Variants in STAU1 observed in about 807,000 individuals in gnomAD.
STAU1 encodes the protein double-stranded RNA-binding protein Staufen homolog 1.
A neutral mutation model predicts 62.9 loss-of-function variants in STAU1; 13 were observed. That is an observed-to-expected ratio of 0.21 (90% CI 0.13 to 0.33). The LOEUF (loss-of-function observed/expected upper bound fraction) is 0.33, where lower values mean the gene tolerates loss of function less well. Among genes scored for constraint, STAU1 ranks in the 10% least tolerant of loss-of-function variants. The pLI is 1.00. For synonymous variants in STAU1, 269 were observed against 265.1 expected, an observed-to-expected ratio of 1.01 and a Z score of -0.14; for missense variants, 571 against 712.1, an observed-to-expected ratio of 0.80 and a Z score of 2.25.
the STAU1 span, among the ~76,000 whole-genome samples, chr20:49,197,080 G>A: frequency 1.3e-5 from 2 of 151,778 alleles, no homozygotes; most frequent in African/African-American, 2.4e-5. Context: ...GCTTGAACGC[G>A]GGAGGTGGAG....
At chr20:49,218,983 C>A in the STAU1 span, among the ~76,000 whole-genome samples, 1 of 130,950 alleles carries the variant, frequency 7.6e-6, no homozygotes, top group Non-Finnish European at 1.5e-5. Context: ...CACTGCACCC[C>A]AGCCTGGGCG....
upstream of STAU1, among the ~76,000 whole-genome samples, chr20:49,190,427 G>A (rs2093829812): frequency 6.6e-6 from 1 of 152,124 alleles, no homozygotes; most frequent in Admixed American, 6.6e-5. Context: ...GGGACCACAG[G>A]CATGTGCCAC....
chr20:49,125,198 CAAAA>C (rs1171534142), intron 6 of STAU1, among the ~76,000 whole-genome samples: 8,252 of 33,688 alleles, frequency 0.24, 288 homozygotes, highest in Non-Finnish European at 0.33. Context: ...CTCATTTTTG[CAAAA>C]AAAAAAAAAA....
chr20:49,127,316 T>C (rs1345767267), intron 6 of STAU1, among the ~76,000 whole-genome samples: 4 of 152,054 alleles, frequency 2.6e-5, no homozygotes, highest in African/African-American at 9.7e-5. Context: ...ATGGCACCAC[T>C]GCACTCCAGC....
At chr20:49,149,776 T>C (rs2093208445) in intron 5 of STAU1, among the ~76,000 whole-genome samples, 1 of 152,138 alleles carries the variant, frequency 6.6e-6, no homozygotes, top group African/African-American at 2.4e-5. Context: ...AAAATGGAAA[T>C]GCAGCGTAAC....
chr20:49,172,909 G>A (rs1048594814), intron 2 of STAU1, among the ~76,000 whole-genome samples: 15 of 150,214 alleles, frequency 1.0e-4, no homozygotes, highest in African/African-American at 3.4e-4. Context: ...ATGGAGTCTC[G>A]CTGTGTTGCC....
In STAU1 at chr20:49,129,233, CACA is replaced by C. The variant is rs759538058; in HGVS notation, c.610-4649_610-4647del. On this transcript the variant is annotated intron_variant, in intron 6 of 13. Coordinates refer to ENST00000371856, the MANE Select transcript of STAU1 (RefSeq NM_017453.4). Reference sequence around the variant, plus strand: ...TTCATGGAGATATATAAATTAAAACCACAACAAGATACTACTGACTACCTGCTA... The same window carrying C: ...TTCATGGAGATATATAAATTAAAACCACAAGATACTACTGACTACCTGCTA... Among the ~76,000 whole-genome samples the C allele has an allele frequency of 4.7e-5, 7 of 150,290 alleles. No homozygotes were observed. In the East Asian group the frequency reaches 9.7e-4, roughly 21 times the overall value.
At chr20:49,163,182 C>T (rs1277145442) in intron 3 of STAU1, among the ~76,000 whole-genome samples, 2 of 150,236 alleles carry the variant, frequency 1.3e-5, no homozygotes, top group African/African-American at 4.9e-5. Flanking sequence ...CAGAGCGAGA[C>T]TCCATTTCAA....
intron 8 of STAU1, among the ~76,000 whole-genome samples, chr20:49,121,835 A>G (rs1257320123): frequency 6.6e-6 from 1 of 152,190 alleles, no homozygotes; most frequent in Non-Finnish European, 1.5e-5. Flanking sequence ...CCAGCACATC[A>G]CTACTTACAA....
At chr20:49,195,224 A>G in the STAU1 span, among the ~76,000 whole-genome samples, 1 of 152,178 alleles carries the variant, frequency 6.6e-6, no homozygotes, top group Non-Finnish European at 1.5e-5. Context: ...ATGATTAACA[A>G]CCCAATGAAA....
chr20:49,187,338 C>T (rs906118767), intron 1 of STAU1, among the ~76,000 whole-genome samples: 4 of 152,166 alleles, frequency 2.6e-5, no homozygotes, highest in Non-Finnish European at 5.9e-5. Flanking sequence ...TACAGTGTCC[C>T]AATTAAGCGT....
At chr20:49,171,440 T>G (rs1307537654) in intron 2 of STAU1, among the ~76,000 whole-genome samples, 1 of 151,942 alleles carries the variant, frequency 6.6e-6, no homozygotes, top group Non-Finnish European at 1.5e-5. Flanking sequence ...GGACTACAGG[T>G]GCCCGCCACC....
chr20:49,176,685 G>T (rs181257152), intron 1 of STAU1, among the ~76,000 whole-genome samples: 1 of 152,226 alleles, frequency 6.6e-6, no homozygotes, highest in East Asian at 1.9e-4. Context: ...GAGCTCAGTT[G>T]TTCTAATATC....
chr20:49,182,781 G>A (rs540659414), intron 1 of STAU1, among the ~76,000 whole-genome samples: 3 of 150,024 alleles, frequency 2.0e-5, no homozygotes, highest in Non-Finnish European at 4.4e-5. Flanking sequence ...GGAGCTTGCA[G>A]TGAGCCGAGA....
chr20:49,134,434 G>GTAAAAAAAAAAAAAAAAAA (rs2092826563), intron 6 of STAU1: 1 of 361,966 alleles, frequency 2.8e-6, no homozygotes, highest in Non-Finnish European at 5.0e-6. Context: ...TCATCTCAGG[G>GTAAAAAAAAAAAAAAAAAA]AAAAAAAAAA....
intron 13 of STAU1, 142 bp from the exon 14 acceptor site, chr20:49,115,035 G>T: frequency 2.5e-6 from 2 of 788,940 alleles, no homozygotes; most frequent in South Asian, 1.6e-5. Context: ...TTTTCCCAGG[G>T]TATGCCAGTA....
intron 4 of STAU1, among the ~76,000 whole-genome samples, chr20:49,152,933 C>G (rs1331860655): frequency 6.6e-6 from 1 of 152,100 alleles, no homozygotes. Context: ...TATGCTCAGG[C>G]CCTACCCAAG....
intron 3 of STAU1, among the ~76,000 whole-genome samples, chr20:49,161,532 A>G (rs1315968512): frequency 1.3e-5 from 2 of 152,194 alleles, no homozygotes; most frequent in Non-Finnish European, 2.9e-5. Context: ...GGTGGGTTAT[A>G]AATGCACAAG....
At chr20:49,200,560 C>CA in the STAU1 span, among the ~76,000 whole-genome samples, 1 of 151,588 alleles carries the variant, frequency 6.6e-6, no homozygotes, top group African/African-American at 2.4e-5. Context: ...GAGATCGCAC[C>CA]ACTGCACTCC....
Sources: gnomAD v4.1 joint callset for allele counts (sites outside exome capture counted in the v4.1 genomes callset) on GRCh38, gnomAD v4.1.1 for gene constraint, MANE v1.5 for transcripts, NCBI Gene and HGNC (gene_info 2026-07-23, HGNC 2026-07-21) for gene names.